C4orf50: variants seen among roughly 807,000 people sequenced by gnomAD.
The protein encoded by C4orf50 is uncharacterized protein C4orf50.
In C4orf50, 80 loss-of-function variants were observed where a neutral mutation model predicts 77.2. The ratio of observed to expected loss-of-function variants is 1.04; its 90% CI spans 0.87 to 1.25. The LOEUF (loss-of-function observed/expected upper bound fraction) is 1.25. Among genes scored for constraint, C4orf50 ranks in the 50% most tolerant of loss-of-function variants. The pLI is 0.00. For synonymous variants in C4orf50, 532 were observed against 465.3 expected, an observed-to-expected ratio of 1.14 and a Z score of -1.84; for missense variants, 1,257 against 1,152.9, an observed-to-expected ratio of 1.09 and a Z score of -1.31.
At chr4:5,934,768 G>A (rs190258766) in intron 7 of C4orf50, among the ~76,000 whole-genome samples, 54 of 152,278 alleles carry the variant, frequency 3.5e-4, no homozygotes, top group Admixed American at 3.1e-3. Context: ...AATAATGATG[G>A]CATTTATCAT....
At chr4:5,989,354 G>T in exon 28 of C4orf50, 1 of 1,536,040 alleles carries the variant, frequency 6.5e-7, no homozygotes, top group Non-Finnish European at 8.7e-7. Flanking sequence ...CAATGAGGCA[G>T]TGTCCCTGGG....
intron 7 of C4orf50, among the ~76,000 whole-genome samples, chr4:5,909,705 G>A (rs966405948): frequency 6.6e-6 from 1 of 152,198 alleles, no homozygotes; most frequent in South Asian, 2.1e-4. Context: ...TAGGGGTCTA[G>A]TTTCAATCTT....
At chr4:5,912,256 C>CGTGTGTGTGCGT (rs1716839380) in intron 7 of C4orf50, among the ~76,000 whole-genome samples, 1 of 146,312 alleles carries the variant, frequency 6.8e-6, no homozygotes, top group Non-Finnish European at 1.5e-5. Flanking sequence ...GCACTCCACT[C>CGTGTGTGTGCGT]GTGTGTGTGT....
intron 29 of C4orf50, among the ~76,000 whole-genome samples, chr4:5,978,759 A>G (rs1286296629): frequency 6.6e-6 from 1 of 152,202 alleles, no homozygotes; most frequent in African/African-American, 2.4e-5. Flanking sequence ...TGTTATATAT[A>G]AACAGTTATG....
chr4:5,992,449 A>G lies in C4orf50; in HGVS notation c.1221+354T>C, dbSNP rs1448360419. ...AGCCTGGATCTCGGGGTCCACCTCC[A>G]AGCTGGGGACCTTGGGGAGTCACAG... is the stretch of plus-strand genomic sequence containing the variant. On this transcript the variant is annotated intron_variant, in intron 27 of 33. Transcript: ENST00000531445. The surrounding 1 kb of genome is among the most constrained non-coding windows in gnomAD (Gnocchi z 5.0). 6.6e-6 allele frequency among the ~76,000 whole-genome samples: 1 copy of G among 151,950 alleles called. No individual in the cohort carries two copies. The highest frequency in any genetic ancestry group is 1.5e-5 in the Non-Finnish European group (1 of 67,962).
chr4:5,938,538 T>A (rs1718129737), intron 7 of C4orf50, among the ~76,000 whole-genome samples: 1 of 151,926 alleles, frequency 6.6e-6, no homozygotes, highest in Non-Finnish European at 1.5e-5. Flanking sequence ...TAAGAAACAA[T>A]ATTAGGGTGG....
Position 6,017,117 on chromosome 4 carries a change from T to A in C4orf50, c.287+1028A>T, listed in dbSNP as rs1357044331. Among the ~76,000 whole-genome samples, 2 of 152,180 alleles carry A rather than the reference T, an allele frequency of 1.3e-5. No homozygotes were observed. On this transcript the variant is annotated intron_variant, in intron 23 of 33. Transcript: ENST00000531445. The surrounding 1 kb of genome is among the most constrained non-coding windows in gnomAD (Gnocchi z 4.7). ...CGCCCCACCTTGAGGCCAGGTCAGC[T>A]CCATCAGGCAAACAGTGCCCACAGC...
intron 29 of C4orf50, among the ~76,000 whole-genome samples, chr4:5,978,283 AATTAC>A (rs58167338): frequency 0.18 from 28,070 of 152,016 alleles, 2,638 homozygotes; most frequent in African/African-American, 0.22. Flanking sequence ...GATGTTCAGG[AATTAC>A]ATTACAAAAA....
exon 28 of C4orf50, chr4:5,989,288 C>T (rs1228422509): frequency 7.2e-6 from 11 of 1,535,912 alleles, no homozygotes; most frequent in African/African-American, 4.1e-5. Flanking sequence ...CTCACTCTCT[C>T]GAGGGCACCC....
At chr4:5,904,815 A>C (rs1177315076) in intron 7 of C4orf50, 1 of 152,206 alleles carries the variant, frequency 6.6e-6, no homozygotes, top group Non-Finnish European at 1.5e-5. Context: ...TATAATATCA[A>C]GATAACTACT....
intron 29 of C4orf50, 59 bp from the exon 8 acceptor site, chr4:5,976,014 T>C (rs1418751017): frequency 7.1e-7 from 1 of 1,404,250 alleles, no homozygotes; most frequent in Non-Finnish European, 1.0e-6. Flanking sequence ...TGTCCAGAGC[T>C]TCCCCAGGCA....
At chr4:5,976,066 C>A in intron 29 of C4orf50, 111 bp from the exon 8 acceptor site, 1 of 812,058 alleles carries the variant, frequency 1.2e-6, no homozygotes, top group Non-Finnish European at 2.1e-6. Context: ...CCCTCTTTAC[C>A]CTCATGGGGA....
At chr4:6,002,696 C>G (rs935578368) in intron 25 of C4orf50, among the ~76,000 whole-genome samples, 9 of 152,188 alleles carry the variant, frequency 5.9e-5, no homozygotes, top group Non-Finnish European at 7.3e-5. Flanking sequence ...GACTCAGGGT[C>G]GCTGCTGGTG....
rs1209867304 is a variant in C4orf50, at chr4:5,919,428, TG to T, written c.*2475-21241del. Among the ~76,000 whole-genome samples, 1 of 110,800 alleles carries T rather than the reference TG, an allele frequency of 9.0e-6. No individual in the cohort carries two copies. Among genetic ancestry groups the T allele is most frequent in the Non-Finnish European group, 1.9e-5 (1 of 53,276 alleles). 72.7% of individuals were successfully genotyped at this position (110,800 alleles called of 152,430 possible). ...GGACTGAGGCAGGGGCAGGTGGGGG[TG>T]GGGGGCACACCCTTTCCTAAAGGGG... On this transcript the variant is annotated intron_variant, in intron 7 of 7. Coordinates refer to the C4orf50 transcript ENST00000324058. The surrounding 1 kb of genome is among the most constrained non-coding windows in gnomAD (Gnocchi z 6.5).
intron 7 of C4orf50, among the ~76,000 whole-genome samples, chr4:5,931,654 C>T (rs1717773096): frequency 6.6e-6 from 1 of 152,128 alleles, no homozygotes; most frequent in Admixed American, 6.5e-5. Flanking sequence ...CATCAGCAGC[C>T]CTTGTGATGT....
chr4:5,960,211 A>T (rs1000919874), intron 33 of C4orf50, among the ~76,000 whole-genome samples: 2 of 152,142 alleles, frequency 1.3e-5, no homozygotes, highest in Non-Finnish European at 2.9e-5. Flanking sequence ...AGCCCATCTG[A>T]TTTCAAACCT....
chr4:5,967,314 G>A (rs972329720), intron 32 of C4orf50, 100 bp downstream of exon 10: 21 of 905,096 alleles, frequency 2.3e-5, no homozygotes, highest in Admixed American at 1.2e-4. Context: ...GCATGAATGC[G>A]ACAGTGGGCA....
At chr4:5,926,833 C>T (rs926537988) in intron 7 of C4orf50, among the ~76,000 whole-genome samples, 5 of 152,156 alleles carry the variant, frequency 3.3e-5, no homozygotes, top group African/African-American at 1.2e-4. Context: ...AACTCTGGCC[C>T]GAGGGGGAAC....
intron 7 of C4orf50, among the ~76,000 whole-genome samples, chr4:5,929,178 T>C (rs1351494711): frequency 1.3e-5 from 2 of 152,372 alleles, no homozygotes; most frequent in East Asian, 3.9e-4. Flanking sequence ...TTATAAATCA[T>C]AGCACGATAA....
Sources: gnomAD v4.1 joint callset for allele counts (sites outside exome capture counted in the v4.1 genomes callset) on GRCh38, gnomAD v4.1.1 for gene constraint, Gnocchi (gnomAD v3.1) non-coding constraint, MANE v1.5 for transcripts, NCBI Gene and HGNC (gene_info 2026-07-23, HGNC 2026-07-21) for gene names.